The following DNAH3 variants were observed in gnomAD, a reference collection of about 807,000 sequenced individuals.
DNAH3 encodes dynein axonemal heavy chain 3, also known as axonemal beta dynein heavy chain 3.
A neutral mutation model predicts 432.5 loss-of-function variants in DNAH3; 332 were observed. That is an observed-to-expected ratio of 0.77 (90% CI 0.70 to 0.84). The LOEUF (loss-of-function observed/expected upper bound fraction) is 0.84, where lower values mean the gene tolerates loss of function less well. Ranked by LOEUF, DNAH3 falls within the 40% of genes least tolerant of loss-of-function variation. DNAH3 has a pLI of 0.00. For synonymous variants in DNAH3, 1,956 were observed against 1,900.2 expected (o/e 1.03, Z -0.76); for missense variants, 4,861 against 5,114.0 (o/e 0.95, Z 1.51).
chr16:21,048,221 G>A (rs939843882), intron 31 of DNAH3, among the ~76,000 whole-genome samples: 17 of 152,378 alleles, frequency 1.1e-4, no homozygotes, highest in Admixed American at 1.1e-3. Context: ...GAGCTTCCAG[G>A]CTGCTTTGTT....
chr16:21,004,803 C>T (rs1018235360), intron 41 of DNAH3, among the ~76,000 whole-genome samples: 2 of 151,998 alleles, frequency 1.3e-5, no homozygotes, highest in East Asian at 1.9e-4. Flanking sequence ...GATATCAGAC[C>T]ATTTCAATTG....
chr16:20,964,310 G>GA lies in DNAH3; in HGVS notation c.9573_9574insT (p.Leu3192SerfsTer48). The GA allele has an allele frequency of 6.2e-7, 1 of 1,614,184 alleles. No homozygotes were observed. Among genetic ancestry groups the GA allele is most frequent in the Non-Finnish European group, 8.5e-7 (1 of 1,180,040 alleles). On this transcript the variant is annotated frameshift_variant, in exon 53 of 62. Transcript: ENST00000261383. LOFTEE classifies it high-confidence loss of function. ...CCCAAGGGGGTGATCATGAAGTTGA[G>GA]GAGACAGACCTTCACGGCAACTTCT...
Position 21,067,389 on chromosome 16 carries a change from C to T in DNAH3, c.3412G>A (p.Asp1138Asn), listed in dbSNP as rs200167560. Residue 1138 changes from aspartate (D) to asparagine (N), a missense_variant, in exon 24 of 62, where the codon GAC (aspartate) becomes AAC (asparagine). Transcript: ENST00000261383. ...AGCTTCTCTGCCATCCGTGGCTGGT[C>T]GGCTGCCACCAGAATCCTGTTATCT... 4.8e-5 allele frequency: 78 copies of T among 1,613,856 alleles called. No homozygotes were observed. In the East Asian group the frequency reaches 9.1e-4, roughly 19 times the overall value.
intron 15 of DNAH3, among the ~76,000 whole-genome samples, chr16:21,105,985 T>C (rs1222233224): frequency 1.3e-5 from 2 of 148,830 alleles, no homozygotes; most frequent in Non-Finnish European, 1.5e-5. Context: ...ATAGAGACCA[T>C]CCTGGCCAAC....
chr16:20,995,204 C>G (rs1463329494), intron 44 of DNAH3, among the ~76,000 whole-genome samples: 1 of 151,962 alleles, frequency 6.6e-6, no homozygotes, highest in East Asian at 1.9e-4. Flanking sequence ...CTTTGGCATC[C>G]CAAAATGCTG....
intron 21 of DNAH3, among the ~76,000 whole-genome samples, chr16:21,074,239 A>C (rs920572694): frequency 6.6e-6 from 1 of 152,138 alleles, no homozygotes; most frequent in African/African-American, 2.4e-5. Flanking sequence ...AGCCTGGGGA[A>C]GGAGGGAGGC....
chr16:21,091,788 C>T (rs7203496), intron 18 of DNAH3, among the ~76,000 whole-genome samples: 5,789 of 151,890 alleles, frequency 0.038, 377 homozygotes, highest in African/African-American at 0.13. Context: ...TACACTCCAG[C>T]CTGGGTGACA....
At chr16:20,994,019 ATTTC>A (rs1265049563) in intron 44 of DNAH3, among the ~76,000 whole-genome samples, 15 of 151,890 alleles carry the variant, frequency 9.9e-5, no homozygotes, top group African/African-American at 3.4e-4. Context: ...TATTTCTTCT[ATTTC>A]TTTATTTTGA....
At chr16:21,020,696 A>G (rs2088166867) in intron 40 of DNAH3, among the ~76,000 whole-genome samples, 1 of 151,792 alleles carries the variant, frequency 6.6e-6, no homozygotes, top group South Asian at 2.1e-4. Context: ...GAGAGACCGC[A>G]CCCGGCCTTT....
At position 21,101,155 on chromosome 16, in the gene DNAH3, G is replaced by C. The variant is rs530538903; in HGVS notation, c.2367-2386C>G. On this transcript the variant is annotated intron_variant, in intron 16 of 61. Coordinates refer to ENST00000261383, the Ensembl canonical transcript of DNAH3. Reference sequence around the variant, plus strand: ...GCCTAGCCTATCTTAAATGCACTCAGAACACTCACATTAGTCCACAGTTAT... The same window carrying C: ...GCCTAGCCTATCTTAAATGCACTCACAACACTCACATTAGTCCACAGTTAT... 2.6e-3 allele frequency among the ~76,000 whole-genome samples: 403 copies of C among 152,174 alleles called. 2 individuals are homozygous for C. Among genetic ancestry groups the C allele is most frequent in the Middle Eastern group, 3.4e-3 (1 of 294 alleles).
At chr16:21,140,259 G>A (rs1181099287) in intron 5 of DNAH3, 1 of 270,270 alleles carries the variant, frequency 3.7e-6, no homozygotes, top group Non-Finnish European at 6.9e-6. Flanking sequence ...CCAGCCTATG[G>A]GCCACTATTT....
intron 38 of DNAH3, among the ~76,000 whole-genome samples, chr16:21,024,975 A>C (rs1228607653): frequency 6.6e-6 from 1 of 152,182 alleles, no homozygotes; most frequent in Non-Finnish European, 1.5e-5. Context: ...CCCAGGCTGG[A>C]GTACAGTGGT....
At chr16:20,997,578 C>T in intron 43 of DNAH3, 116 bp from the exon 44 acceptor site, 1 of 1,240,200 alleles carries the variant, frequency 8.1e-7, no homozygotes, top group South Asian at 1.5e-5. Context: ...TTCCATTCCC[C>T]ATTCCAGTTA....
intron 31 of DNAH3, among the ~76,000 whole-genome samples, chr16:21,045,144 T>C (rs1459734305): frequency 6.6e-6 from 1 of 151,166 alleles, no homozygotes; most frequent in Non-Finnish European, 1.5e-5. Flanking sequence ...TCTTTTTTTG[T>C]TGTGTCTCTG....
chr16:21,016,149 C>T (rs752423406), intron 41 of DNAH3, among the ~76,000 whole-genome samples: 6 of 152,112 alleles, frequency 3.9e-5, no homozygotes, highest in Non-Finnish European at 8.8e-5. Context: ...CTCAGTGAGG[C>T]ACAAGGGAAG....
At chr16:20,972,224 AT>A (rs922788101) in intron 51 of DNAH3, among the ~76,000 whole-genome samples, 12 of 147,478 alleles carry the variant, frequency 8.1e-5, no homozygotes, top group East Asian at 4.0e-4. Flanking sequence ...AAATCTCCTG[AT>A]TTTTTTTTCT....
At chr16:21,058,569 T>A (rs975410648) in intron 26 of DNAH3, among the ~76,000 whole-genome samples, 12 of 152,268 alleles carry the variant, frequency 7.9e-5, no homozygotes, top group Admixed American at 1.3e-4. Context: ...ACCCCACAAT[T>A]CTTTCCCTCA....
intron 7 of DNAH3, among the ~76,000 whole-genome samples, chr16:21,131,528 G>A (rs1384443843): frequency 1.3e-5 from 2 of 149,518 alleles, no homozygotes; most frequent in African/African-American, 5.0e-5. Context: ...AAGGAAGGAA[G>A]GAAAGAAAGA....
chr16:21,095,140 G>C (rs988909025), intron 18 of DNAH3, among the ~76,000 whole-genome samples: 2 of 152,140 alleles, frequency 1.3e-5, no homozygotes, highest in Non-Finnish European at 2.9e-5. Flanking sequence ...CAGCCACTGT[G>C]GAAAACAAAA....
Sources: gnomAD v4.1 joint callset for allele counts (sites outside exome capture counted in the v4.1 genomes callset) on GRCh38, gnomAD v4.1.1 for gene constraint, MANE v1.5 for transcripts, NCBI Gene and HGNC (gene_info 2026-07-23, HGNC 2026-07-21) for gene names.